POU2AF3: variants seen among roughly 807,000 people sequenced by gnomAD.
POU2AF3 encodes the protein cancer susceptibility candidate 13.
chr11:111,305,695 TTAA>T, the POU2AF3 span, among the ~76,000 whole-genome samples: 6 of 152,356 alleles, frequency 3.9e-5, no homozygotes, highest in South Asian at 1.0e-3. Context: ...ATTGGGCCTA[TTAA>T]TAATAAAATG....
the POU2AF3 span, among the ~76,000 whole-genome samples, chr11:111,302,216 A>T: frequency 6.6e-6 from 1 of 152,218 alleles, no homozygotes; most frequent in Non-Finnish European, 1.5e-5. Context: ...TTAGTGTAAT[A>T]TAAAAACCCT....
At chr11:111,307,586 C>T in the POU2AF3 span, among the ~76,000 whole-genome samples, 1 of 152,090 alleles carries the variant, frequency 6.6e-6, no homozygotes, top group Non-Finnish European at 1.5e-5. Flanking sequence ...ACTTTAGTGG[C>T]GAGACAGGTA....
At chr11:111,301,307 C>G in the POU2AF3 span, among the ~76,000 whole-genome samples, 1 of 152,210 alleles carries the variant, frequency 6.6e-6, no homozygotes, top group African/African-American at 2.4e-5. Flanking sequence ...AGGGCAGCAA[C>G]AGAACCAAAT....
At chr11:111,306,451 A>G in the POU2AF3 span, 2 of 1,497,106 alleles carry the variant, frequency 1.3e-6, no homozygotes, top group East Asian at 5.0e-5. Flanking sequence ...CAACGGGGAG[A>G]ATTTTCCAGT....
At chr11:111,305,693 T>C in the POU2AF3 span, among the ~76,000 whole-genome samples, 1 of 152,226 alleles carries the variant, frequency 6.6e-6, no homozygotes, top group East Asian at 1.9e-4. Context: ...AAATTGGGCC[T>C]ATTAATAATA....
the POU2AF3 span, chr11:111,300,124 C>G: frequency 5.3e-6 from 2 of 380,842 alleles, no homozygotes; most frequent in Non-Finnish European, 9.3e-6. Flanking sequence ...CAGGCCTGGC[C>G]CCTCCCCAGG....
the POU2AF3 span, among the ~76,000 whole-genome samples, chr11:111,301,352 C>T: frequency 6.6e-6 from 1 of 152,200 alleles, no homozygotes; most frequent in African/African-American, 2.4e-5. Context: ...GAGAGGGCAG[C>T]TCATCCCTAA....
the POU2AF3 span, chr11:111,307,989 A>C: frequency 1.5e-6 from 2 of 1,344,944 alleles, no homozygotes; most frequent in Non-Finnish European, 2.0e-6. Context: ...CTCACTCTGC[A>C]TTGGTAAACC....
the POU2AF3 span, chr11:111,308,490 C>A: frequency 6.8e-7 from 1 of 1,468,564 alleles, no homozygotes; most frequent in Non-Finnish European, 9.1e-7. Context: ...TTTTCTACCA[C>A]GTCTAGATGA....
the POU2AF3 span, among the ~76,000 whole-genome samples, chr11:111,300,938 A>T: frequency 6.6e-6 from 1 of 152,190 alleles, no homozygotes; most frequent in Non-Finnish European, 1.5e-5. Context: ...TTTTGTTAGG[A>T]AGACAGTGGA....
At chr11:111,301,372 A>G in the POU2AF3 span, among the ~76,000 whole-genome samples, 2 of 152,214 alleles carry the variant, frequency 1.3e-5, no homozygotes, top group African/African-American at 2.4e-5. Flanking sequence ...AAAAGCCTCA[A>G]TCATACAATT....
chr11:111,300,878 G>C, the POU2AF3 span, among the ~76,000 whole-genome samples: 1 of 152,242 alleles, frequency 6.6e-6, no homozygotes, highest in Non-Finnish European at 1.5e-5. Flanking sequence ...TATAAAAAGT[G>C]CGTTGGTCCT....
the POU2AF3 span, among the ~76,000 whole-genome samples, chr11:111,302,603 G>A: frequency 2.6e-5 from 4 of 152,064 alleles, no homozygotes; most frequent in South Asian, 2.1e-4. Context: ...TCTGTTCCCC[G>A]GAGTAGTTTG....
the POU2AF3 span, chr11:111,304,778 G>GA: frequency 0.15 from 48,766 of 326,268 alleles, 1,214 homozygotes; most frequent in Middle Eastern, 0.25. Flanking sequence ...GTCAAACATT[G>GA]AAAAAAAAAA....
At chr11:111,308,605 G>A in the POU2AF3 span, 23 of 605,588 alleles carry the variant, frequency 3.8e-5, no homozygotes, top group African/African-American at 7.5e-5. Context: ...CCTCAGACCC[G>A]GTCACAGCGC....
At chr11:111,308,328 C>G in the POU2AF3 span, 2 of 1,551,624 alleles carry the variant, frequency 1.3e-6, no homozygotes, top group African/African-American at 2.7e-5. Flanking sequence ...GCTCTCCAGG[C>G]AGCAGAGTAC....
At chr11:111,306,376 T>C in the POU2AF3 span, 1 of 1,390,666 alleles carries the variant, frequency 7.2e-7, no homozygotes, top group Non-Finnish European at 9.4e-7. Context: ...AAACCTGCCT[T>C]TTTCCTTTCT....
the POU2AF3 span, among the ~76,000 whole-genome samples, chr11:111,304,348 A>G: frequency 6.6e-6 from 1 of 152,204 alleles, no homozygotes; most frequent in South Asian, 2.1e-4. Flanking sequence ...TTTTAAATCG[A>G]ATAGTTTAAT....
the POU2AF3 span, chr11:111,306,628 T>A: frequency 1.3e-6 from 2 of 1,547,470 alleles, no homozygotes; most frequent in Non-Finnish European, 1.7e-6. Flanking sequence ...AGCCTGGTAA[T>A]TTTTCTCAGT....
Sources: gnomAD v4.1 joint callset for allele counts (sites outside exome capture counted in the v4.1 genomes callset) on GRCh38, gnomAD v4.1.1 for gene constraint, MANE v1.5 for transcripts, NCBI Gene and HGNC (gene_info 2026-07-23, HGNC 2026-07-21) for gene names.